Variants in ZNF346 observed in about 807,000 individuals in gnomAD.
ZNF346 encodes the protein zinc finger protein 346, also known as double-stranded RNA-binding zinc finger protein JAZ.
In ZNF346, 23 loss-of-function variants were observed where a neutral mutation model predicts 33.7. That is an observed-to-expected ratio of 0.68 (90% CI 0.49 to 0.97). The LOEUF (loss-of-function observed/expected upper bound fraction) is 0.97, where lower values mean the gene tolerates loss of function less well. Ranked by LOEUF, ZNF346 falls within the 50% of genes least tolerant of loss-of-function variation. ZNF346 has a pLI of 0.00. For synonymous variants in ZNF346, 134 were observed against 142.4 expected, an observed-to-expected ratio of 0.94 and a Z score of 0.42; for missense variants, 340 against 371.1, an observed-to-expected ratio of 0.92 and a Z score of 0.69.
chr5:177,034,468 C>T (rs1348689990), intron 1 of ZNF346, among the ~76,000 whole-genome samples: 1 of 152,194 alleles, frequency 6.6e-6, no homozygotes, highest in East Asian at 1.9e-4. Flanking sequence ...CTCAAGCGGT[C>T]CTTCCACCTC....
intron 8 of ZNF346, among the ~76,000 whole-genome samples, chr5:177,076,403 T>A (rs1422175374): frequency 6.6e-6 from 1 of 152,210 alleles, no homozygotes; most frequent in Admixed American, 6.5e-5. Context: ...AAATCTAGTT[T>A]TAGCAAAGAA....
rs933433772 is a variant in ZNF346, at chr5:177,077,141, A to G, written c.*3-2241A>G. Among the ~76,000 whole-genome samples the G allele has an allele frequency of 6.6e-6, 1 of 152,254 alleles. No homozygotes were observed. Among genetic ancestry groups the G allele is most frequent in the Admixed American group, 6.5e-5 (1 of 15,282 alleles). On this transcript the variant is annotated intron_variant, in intron 8 of 8. Transcript: ENST00000503039. This position sits in a 1 kb window ranked among gnomAD's most constrained non-coding sequence, Gnocchi z 5.0. ...TGTTATGTAAAGTCGTTAAGTTTAAAAGTAATGTGTTATGAAGCAATGGAT... is the reference window on the plus strand; with the variant it reads ...TGTTATGTAAAGTCGTTAAGTTTAAGAGTAATGTGTTATGAAGCAATGGAT...
intron 8 of ZNF346, among the ~76,000 whole-genome samples, chr5:177,073,829 G>T (rs1370416761): frequency 4.9e-5 from 4 of 81,836 alleles, no homozygotes; most frequent in East Asian, 3.6e-4. Context: ...GGGCGGGGGA[G>T]GGGGGGGGTC....
intron 5 of ZNF346, among the ~76,000 whole-genome samples, chr5:177,053,486 A>G (rs767452646): frequency 3.9e-5 from 6 of 151,988 alleles, no homozygotes; most frequent in Non-Finnish European, 8.8e-5. Flanking sequence ...TCTTGCCCAA[A>G]GTATTTGTGT....
downstream of ZNF346, among the ~76,000 whole-genome samples, chr5:177,068,239 A>G (rs1324210581): frequency 6.9e-6 from 1 of 143,970 alleles, no homozygotes; most frequent in Non-Finnish European, 1.5e-5. Flanking sequence ...TTATATTCCA[A>G]GTCCCTCCAT....
chr5:177,070,401 G>A (rs567001777), downstream of ZNF346, among the ~76,000 whole-genome samples: 1 of 152,062 alleles, frequency 6.6e-6, no homozygotes, highest in Non-Finnish European at 1.5e-5. Context: ...GCATATGAGG[G>A]AGCCCCTGCT....
chr5:177,031,622 G>C (rs907074739), intron 1 of ZNF346, among the ~76,000 whole-genome samples: 4 of 152,144 alleles, frequency 2.6e-5, no homozygotes, highest in African/African-American at 7.2e-5. Flanking sequence ...ATTTTGGAAT[G>C]TGTAGATTAA....
intron 1 of ZNF346, among the ~76,000 whole-genome samples, chr5:177,033,221 C>T (rs964842256): frequency 6.6e-5 from 10 of 152,110 alleles, no homozygotes; most frequent in African/African-American, 2.2e-4. Flanking sequence ...GCACTACAGG[C>T]GTGTGCCACC....
intron 1 of ZNF346, among the ~76,000 whole-genome samples, chr5:177,027,236 A>G (rs1298170334): frequency 6.6e-6 from 1 of 151,686 alleles, no homozygotes; most frequent in Non-Finnish European, 1.5e-5. Flanking sequence ...TATTTTTCGT[A>G]GAGACGGAGT....
intron 5 of ZNF346, among the ~76,000 whole-genome samples, chr5:177,061,175 G>A (rs1472381580): frequency 2.6e-5 from 4 of 152,030 alleles, no homozygotes; most frequent in African/African-American, 9.6e-5. Flanking sequence ...GGCCGGGTGC[G>A]GTAGCTCACG....
chr5:177,057,651 T>C (rs1254053639), intron 5 of ZNF346, among the ~76,000 whole-genome samples: 1 of 151,072 alleles, frequency 6.6e-6, no homozygotes, highest in Non-Finnish European at 1.5e-5. Context: ...GGCAGGAGAA[T>C]CGCTTGAGCC....
Position 177,056,918 on chromosome 5 carries a change from ATAAAT to A in ZNF346, c.704-5135_704-5131del, listed in dbSNP as rs1464329922. On this transcript the variant is annotated intron_variant, in intron 5 of 6. Transcript: ENST00000358149. ...ACCCTAGAACTTAAAGTATAATAAA[ATAAAT>A]TAAAAATAAAAAACAAGAAATTATT... Among the ~76,000 whole-genome samples the A allele has an allele frequency of 5.9e-5, 9 of 152,372 alleles. No homozygotes were observed. In the East Asian group the frequency reaches 9.6e-4, roughly 16 times the overall value.
intron 3 of ZNF346, among the ~76,000 whole-genome samples, chr5:177,043,277 G>T (rs1263698176): frequency 6.6e-6 from 1 of 152,126 alleles, no homozygotes; most frequent in Non-Finnish European, 1.5e-5. Context: ...AGGATTACAG[G>T]TATGAGCCAC....
intron 5 of ZNF346, among the ~76,000 whole-genome samples, chr5:177,053,606 A>C (rs1185851049): frequency 6.6e-6 from 1 of 152,180 alleles, no homozygotes; most frequent in Non-Finnish European, 1.5e-5. Context: ...TTCAGTTTTC[A>C]TGAATATTAT....
At chr5:177,037,988 G>T (rs1036652777) in intron 1 of ZNF346, among the ~76,000 whole-genome samples, 6 of 151,918 alleles carry the variant, frequency 3.9e-5, no homozygotes, top group Admixed American at 3.9e-4. Flanking sequence ...CATGGAATAT[G>T]CCAAACTCAT....
At chr5:177,058,861 G>T (rs1297960242) in intron 5 of ZNF346, among the ~76,000 whole-genome samples, 1 of 152,158 alleles carries the variant, frequency 6.6e-6, no homozygotes, top group Non-Finnish European at 1.5e-5. Flanking sequence ...TGCAGGTAAT[G>T]ACTTCAGCTG....
chr5:177,035,771 G>T (rs1373154856), intron 1 of ZNF346, among the ~76,000 whole-genome samples: 1 of 28,658 alleles, frequency 3.5e-5, no homozygotes, highest in Non-Finnish European at 5.8e-5. Context: ...AAGTAGCTGG[G>T]ACACAGGCAC....
In ZNF346 at chr5:177,032,411, C is replaced by T. The variant is rs1019253178; in HGVS notation, c.176-8715C>T. Reference sequence around the variant, plus strand: ...GGGATTACAAGCATGAGCCACTGCACGCAGCTTTTTTTTTTTGAGACAGAG... The same window carrying T: ...GGGATTACAAGCATGAGCCACTGCATGCAGCTTTTTTTTTTTGAGACAGAG... On this transcript the variant is annotated intron_variant, in intron 1 of 6. Transcript: ENST00000358149. 7.9e-5 allele frequency among the ~76,000 whole-genome samples: 12 copies of T among 151,518 alleles called. No homozygotes were observed. In the East Asian group the frequency reaches 1.6e-3, roughly 20 times the overall value.
Position 177,066,908 on chromosome 5 carries a change from G to A in ZNF346, c.*2309G>A, listed in dbSNP as rs1474737362. On this transcript the variant is annotated 3_prime_UTR_variant, in exon 7 of 7. Transcript: ENST00000358149. Reference sequence around the variant, plus strand: ...AAAACCCCGTCCCTATAAAAAATACGAAAATCAGCTGCGCCTGGTGGCACA... The same window carrying A: ...AAAACCCCGTCCCTATAAAAAATACAAAAATCAGCTGCGCCTGGTGGCACA... 6.6e-6 allele frequency among the ~76,000 whole-genome samples: 1 copy of A among 151,976 alleles called. No individual in the cohort carries two copies. Among genetic ancestry groups the A allele is most frequent in the East Asian group, 1.9e-4 (1 of 5,188 alleles).
Sources: allele counts gnomAD v4.1 joint callset (sites outside exome capture counted in the v4.1 genomes callset), GRCh38; gene constraint gnomAD v4.1.1; non-coding constraint Gnocchi (gnomAD v3.1); transcripts MANE v1.5; gene names NCBI Gene and HGNC (gene_info 2026-07-23, HGNC 2026-07-21).